The following CREB3L2 variants were observed in gnomAD, a reference collection of about 807,000 sequenced individuals.
CREB3L2 encodes the protein cAMP responsive element binding protein 3 like 2.
CREB3L2 carries 23 observed loss-of-function variants against 57.2 expected under a neutral mutation model. The ratio of observed to expected loss-of-function variants is 0.40; its 90% CI spans 0.29 to 0.57. The LOEUF (loss-of-function observed/expected upper bound fraction) is 0.57. Ranked by LOEUF, CREB3L2 falls within the 20% of genes least tolerant of loss-of-function variation. The pLI is 0.42. For missense variants in CREB3L2, 628 were observed against 634.7 expected, an observed-to-expected ratio of 0.99 and a Z score of 0.11; for synonymous variants, 268 against 265.1, an observed-to-expected ratio of 1.01 and a Z score of -0.11.
intron 8 of CREB3L2, among the ~76,000 whole-genome samples, chr7:137,896,059 C>T (rs1799622501): frequency 6.6e-6 from 1 of 152,216 alleles, no homozygotes; most frequent in African/African-American, 2.4e-5. Context: ...CAACGTCTTC[C>T]CTTGCCCAGT....
intron 2 of CREB3L2, among the ~76,000 whole-genome samples, chr7:137,918,417 C>T (rs1800196313): frequency 6.6e-6 from 1 of 152,148 alleles, no homozygotes; most frequent in Admixed American, 6.5e-5. Flanking sequence ...TCTTGAACTC[C>T]TGACCTCAGG....
intron 1 of CREB3L2, chr7:137,953,491 C>A: frequency 1.6e-6 from 2 of 1,289,130 alleles, no homozygotes; most frequent in Non-Finnish European, 2.0e-6. Context: ...AAGCGTCAAC[C>A]ATCCCCAACA....
chr7:137,903,256 G>A (rs776545831), intron 7 of CREB3L2, among the ~76,000 whole-genome samples: 9 of 152,162 alleles, frequency 5.9e-5, no homozygotes, highest in Non-Finnish European at 1.2e-4. Flanking sequence ...ACTTTCAATA[G>A]TAGCTTTGAG....
In CREB3L2 at chr7:137,922,384, G is replaced by GTGTA. The variant is rs1222708681; in HGVS notation, c.319+5765_319+5766insTACA. Among the ~76,000 whole-genome samples the GTGTA allele has an allele frequency of 5.6e-4, 11 of 19,596 alleles. No individual in the cohort carries two copies. In the East Asian group the frequency reaches 0.044, roughly 79 times the overall value. 12.9% of individuals were successfully genotyped at this position (19,596 alleles called of 152,430 possible). A position where few individuals can be genotyped will look rare whatever the true frequency, so the allele number is the denominator to read the frequency against. On this transcript the variant is annotated intron_variant, in intron 2 of 11. Transcript: ENST00000330387. Reference sequence around the variant, plus strand: ...TTTCTGGTTTACTATATATATATATGTATATATATATATATATATATATAT... The same window carrying GTGTA: ...TTTCTGGTTTACTATATATATATATGTGTATATATATATATATATATATATATAT...
chr7:137,906,947 G>A (rs140578706), intron 5 of CREB3L2, among the ~76,000 whole-genome samples: 39 of 152,262 alleles, frequency 2.6e-4, no homozygotes, highest in Middle Eastern at 6.8e-3. Context: ...CCAATCTCGG[G>A]TATGTCTTTA....
intron 1 of CREB3L2, among the ~76,000 whole-genome samples, chr7:137,948,409 C>A (rs1318437783): frequency 6.6e-6 from 1 of 152,196 alleles, no homozygotes; most frequent in African/African-American, 2.4e-5. Flanking sequence ...TGGTAGGAAC[C>A]AAAACTTACC....
intron 1 of CREB3L2, among the ~76,000 whole-genome samples, chr7:137,987,488 T>C (rs904608477): frequency 6.6e-6 from 1 of 152,228 alleles, no homozygotes; most frequent in African/African-American, 2.4e-5. Flanking sequence ...GAGGCTTATC[T>C]GTGACTAATC....
At chr7:137,883,823 G>A (rs1424165855) in intron 10 of CREB3L2, among the ~76,000 whole-genome samples, 1 of 152,174 alleles carries the variant, frequency 6.6e-6, no homozygotes, top group African/African-American at 2.4e-5. Context: ...CTCAGATAAG[G>A]GGGGACTACT....
intron 1 of CREB3L2, among the ~76,000 whole-genome samples, chr7:137,977,075 A>G (rs1801621228): frequency 2.0e-5 from 3 of 152,174 alleles, no homozygotes; most frequent in Admixed American, 1.3e-4. Flanking sequence ...CTAAAGACAG[A>G]CACCCCCTGA....
chr7:137,976,286 A>T (rs1486112668), intron 1 of CREB3L2, among the ~76,000 whole-genome samples: 1 of 152,172 alleles, frequency 6.6e-6, no homozygotes. Flanking sequence ...TACCCAGAGA[A>T]CTAATGTAGT....
At chr7:137,946,030 T>C (rs1261060756) in intron 1 of CREB3L2, among the ~76,000 whole-genome samples, 2 of 152,202 alleles carry the variant, frequency 1.3e-5, no homozygotes, top group Non-Finnish European at 2.9e-5. Flanking sequence ...AATTATAGTC[T>C]GTTAAATCCC....
intron 1 of CREB3L2, among the ~76,000 whole-genome samples, chr7:138,000,380 C>T (rs1802054593): frequency 6.6e-6 from 1 of 152,180 alleles, no homozygotes; most frequent in Non-Finnish European, 1.5e-5. Flanking sequence ...GCAAGCAAAG[C>T]CCAGAAGATC....
At chr7:137,901,449 T>C (rs1799753993) in intron 7 of CREB3L2, 27 bp from the exon 8 acceptor site, 1 of 1,480,498 alleles carries the variant, frequency 6.8e-7, no homozygotes, top group Non-Finnish European at 9.4e-7. Flanking sequence ...AAGAAGAAAA[T>C]TATTATCCAT....
Position 137,913,056 on chromosome 7 carries a change from A to G in CREB3L2, c.518T>C (p.Ile173Thr). 1 of 1,613,766 alleles carries G rather than the reference A, an allele frequency of 6.2e-7. No individual in the cohort carries two copies. Among genetic ancestry groups the G allele is most frequent in the Non-Finnish European group, 8.5e-7 (1 of 1,179,938 alleles). ...NTGVDSSCQT[I>T]IPKIKLEPHE... ...AGGCTCCAGCTTAATTTTAGGAATA[A>G]TGGTCTGGCACGAGGAATCAACCTG... The change falls in exon 4 of 12, where the codon ATT becomes ACT. Residue 173 changes from isoleucine (I) to threonine (T), a missense_variant. Coordinates refer to ENST00000330387, the MANE Select transcript of CREB3L2 (RefSeq NM_194071.4).
Position 137,876,533 on chromosome 7 carries a change from G to C in CREB3L2, c.*3943C>G, listed in dbSNP as rs1799159798. 3 of 232,970 alleles carry C rather than the reference G, an allele frequency of 1.3e-5. No individual in the cohort carries two copies. In the East Asian group the frequency reaches 1.8e-4, roughly 14 times the overall value. 14.4% of individuals were successfully genotyped at this position (232,970 alleles called of 1,614,324 possible). A position where few individuals can be genotyped will look rare whatever the true frequency, so the allele number is the denominator to read the frequency against. On this transcript the variant is annotated 3_prime_UTR_variant, in exon 12 of 12. Transcript: ENST00000330387. ...CTTAGGAGTAACTGAATGAGTGAGT[G>C]AATGAACGAAACATCTAAGTCTTGT... is the stretch of plus-strand genomic sequence containing the variant.
At chr7:137,901,923 G>A (rs1460178512) in intron 7 of CREB3L2, among the ~76,000 whole-genome samples, 1 of 149,960 alleles carries the variant, frequency 6.7e-6, no homozygotes, top group Non-Finnish European at 1.5e-5. Flanking sequence ...GCCGGGCGTA[G>A]TGGCTCATGT....
At chr7:137,975,281 T>C (rs564118644) in intron 1 of CREB3L2, among the ~76,000 whole-genome samples, 15 of 152,110 alleles carry the variant, frequency 9.9e-5, no homozygotes, top group Non-Finnish European at 1.6e-4. Context: ...CAGATTGAAT[T>C]TGCTGTGAGC....
intron 1 of CREB3L2, among the ~76,000 whole-genome samples, chr7:137,984,380 A>C (rs58833233): frequency 0.012 from 1,810 of 152,316 alleles, 28 homozygotes; most frequent in African/African-American, 0.039. Context: ...GCTTGTCCTA[A>C]TATAGGTACT....
At position 137,905,644 on chromosome 7, in the gene CREB3L2, A is replaced by G. The variant is rs894336758; in HGVS notation, c.915+58T>C. ...GGCCGTTGGGAAGGCAGGGAAAGGG[A>G]TGCTGACTCGATTCTGCTCGTCTCT... On this transcript the variant is annotated intron_variant, in intron 6 of 11. Transcript: ENST00000330387. 1.2e-5 allele frequency: 19 copies of G among 1,578,878 alleles called. No individual in the cohort carries two copies. The South Asian group carries it at 2.1e-4, about 17-fold the overall frequency.
Sources: allele counts gnomAD v4.1 joint callset (sites outside exome capture counted in the v4.1 genomes callset), GRCh38; gene constraint gnomAD v4.1.1; transcripts MANE v1.5; gene names NCBI Gene and HGNC (gene_info 2026-07-23, HGNC 2026-07-21).